The following MTERF4 variants were observed in gnomAD, a reference collection of about 807,000 sequenced individuals.
MTERF4 encodes the protein transcription termination factor 4, mitochondrial.
A neutral mutation model predicts 22.5 loss-of-function variants in MTERF4; 17 were observed. The ratio of observed to expected loss-of-function variants is 0.75; its 90% CI spans 0.52 to 1.13. The LOEUF (loss-of-function observed/expected upper bound fraction) is 1.13. Among genes scored for constraint, MTERF4 ranks in the 50% most tolerant of loss-of-function variants. The pLI is 0.00. For synonymous variants in MTERF4, 165 were observed against 175.3 expected (o/e 0.94, Z 0.47); for missense variants, 420 against 466.8 (o/e 0.90, Z 0.92).
intron 4 of MTERF4, among the ~76,000 whole-genome samples, chr2:241,077,868 T>A (rs905484343): frequency 2.6e-5 from 4 of 152,180 alleles, no homozygotes; most frequent in Non-Finnish European, 5.9e-5. Flanking sequence ...CCCTCTACGC[T>A]GCTGGTGGGA....
At chr2:241,071,752 G>A (rs557149242), downstream of MTERF4, 152 of 1,026,492 alleles carry the variant, frequency 1.5e-4, no homozygotes, top group Middle Eastern at 2.6e-3. Flanking sequence ...CCCATCGCCC[G>A]AGGCGGCGCT....
At chr2:241,099,318 G>A in intron 2 of MTERF4, 78 bp downstream of exon 2, 2 of 1,487,442 alleles carry the variant, frequency 1.3e-6, no homozygotes, top group Non-Finnish European at 9.1e-7. Context: ...CAAGTGATCT[G>A]CCTGCCTCGG....
intron 2 of MTERF4, among the ~76,000 whole-genome samples, chr2:241,097,769 A>G (rs995759255): frequency 6.6e-6 from 1 of 152,244 alleles, no homozygotes; most frequent in African/African-American, 2.4e-5. Flanking sequence ...AAGATCAGAG[A>G]GTAATATGGG....
intron 1 of MTERF4, 177 bp from the exon 2 acceptor site, chr2:241,100,071 A>G (rs765287585): frequency 1.4e-6 from 1 of 730,194 alleles, no homozygotes; most frequent in Non-Finnish European, 2.1e-6. Context: ...GCTCACAAAG[A>G]ACAGGGTATT....
the MTERF4 span, chr2:241,051,438 C>T: frequency 6.5e-6 from 2 of 308,458 alleles, no homozygotes; most frequent in East Asian, 5.1e-5. The surrounding 1 kb of genome is among the most constrained non-coding windows in gnomAD (Gnocchi z 4.7). Flanking sequence ...GAGTGCTGCG[C>T]CCGCTGCAGT....
At chr2:241,061,999 CCT>C in the MTERF4 span, among the ~76,000 whole-genome samples, 1 of 152,166 alleles carries the variant, frequency 6.6e-6, no homozygotes, top group East Asian at 1.9e-4. Context: ...ACCACAGTGA[CCT>C]ACAGTGTGGA....
chr2:241,080,672 C>A (rs1430135273), intron 4 of MTERF4, among the ~76,000 whole-genome samples: 2 of 152,248 alleles, frequency 1.3e-5, no homozygotes, highest in Non-Finnish European at 2.9e-5. Flanking sequence ...ATCAGGAAAA[C>A]AACTGACAGC....
At chr2:241,057,687 A>G in the MTERF4 span, among the ~76,000 whole-genome samples, 2 of 152,030 alleles carry the variant, frequency 1.3e-5, no homozygotes, top group Non-Finnish European at 2.9e-5. Context: ...GTCTCTAAAA[A>G]ATTAAAAATT....
At chr2:241,052,323 A>G in the MTERF4 span, 34 of 1,538,646 alleles carry the variant, frequency 2.2e-5, no homozygotes, top group Non-Finnish European at 2.9e-5. Flanking sequence ...CAGGGAAGAC[A>G]CAGTGGCCAG....
downstream of MTERF4, among the ~76,000 whole-genome samples, chr2:241,084,666 T>C (rs941040029): frequency 1.3e-5 from 2 of 152,182 alleles, no homozygotes; most frequent in Admixed American, 6.5e-5. Context: ...GTTTTAGATA[T>C]TGAAAGTAAA....
downstream of MTERF4, among the ~76,000 whole-genome samples, chr2:241,085,241 C>A (rs1210267611): frequency 6.6e-6 from 1 of 152,122 alleles, no homozygotes; most frequent in Admixed American, 6.5e-5. Context: ...TCCAGTTATG[C>A]GTGTATTAGA....
chr2:241,100,114 C>T, intron 1 of MTERF4: 3 of 518,596 alleles, frequency 5.8e-6, no homozygotes, highest in East Asian at 3.2e-5. Flanking sequence ...CAAGCAGGTA[C>T]AATATTGTTA....
At chr2:241,069,039 CG>C, downstream of MTERF4, 1 of 1,519,482 alleles carries the variant, frequency 6.6e-7, no homozygotes, top group Non-Finnish European at 8.9e-7. This position sits in a 1 kb window ranked among gnomAD's most constrained non-coding sequence, Gnocchi z 4.9. Flanking sequence ...TAGAGCAGCG[CG>C]GCCCCCGGCA....
the MTERF4 span, among the ~76,000 whole-genome samples, chr2:241,060,929 CAAAAA>C: frequency 7.1e-6 from 1 of 141,052 alleles, no homozygotes; most frequent in East Asian, 2.0e-4. Flanking sequence ...GACCCTGTCT[CAAAAA>C]AAAACAACCA....
At chr2:241,084,528 G>A (rs1575127691), downstream of MTERF4, among the ~76,000 whole-genome samples, 4 of 152,178 alleles carry the variant, frequency 2.6e-5, no homozygotes, top group South Asian at 4.1e-4. Flanking sequence ...GACAACTTCA[G>A]TATCCATGGC....
the MTERF4 span, chr2:241,051,822 G>A: frequency 1.3e-6 from 2 of 1,562,634 alleles, no homozygotes; most frequent in South Asian, 1.2e-5. This position sits in a 1 kb window ranked among gnomAD's most constrained non-coding sequence, Gnocchi z 4.7. Flanking sequence ...TACCACTGCA[G>A]CTGCCCCTAC....
downstream of MTERF4, chr2:241,071,322 C>T (rs2062702606): frequency 5.2e-6 from 3 of 577,046 alleles, no homozygotes; most frequent in Non-Finnish European, 9.3e-6. Context: ...TGCCTCATGA[C>T]TCCCAGGCCA....
chr2:241,089,102 AC>A, downstream of MTERF4: 1 of 514,298 alleles, frequency 1.9e-6, no homozygotes, highest in East Asian at 3.5e-5. Context: ...ATCTTAAACA[AC>A]ACTGGCATTC....
chr2:241,064,079 C>T, the MTERF4 span: 1 of 1,570,158 alleles, frequency 6.4e-7, no homozygotes, highest in Non-Finnish European at 8.6e-7. This position sits in a 1 kb window ranked among gnomAD's most constrained non-coding sequence, Gnocchi z 7.0. Context: ...GCGGGGCCTA[C>T]CTGTGCGTCT....
Sources: allele counts gnomAD v4.1 joint callset (sites outside exome capture counted in the v4.1 genomes callset), GRCh38; gene constraint gnomAD v4.1.1; non-coding constraint Gnocchi (gnomAD v3.1); transcripts MANE v1.5; gene names NCBI Gene and HGNC (gene_info 2026-07-23, HGNC 2026-07-21).